FAT3: variants seen among roughly 807,000 people sequenced by gnomAD.
FAT3 encodes the protein protocadherin Fat 3.
FAT3 carries 95 observed loss-of-function variants against 310.2 expected under a neutral mutation model. The observed-to-expected ratio is 0.31, with a 90% CI of 0.26 to 0.36. The LOEUF is 0.36. FAT3 is among the 10% of genes least tolerant of loss of function. The pLI is 1.00. For missense variants in FAT3, 5,408 were observed against 5,715.6 expected (o/e 0.95, Z 1.74); for synonymous variants, 2,314 against 2,192.9 (o/e 1.06, Z -1.54).
chr11:92,565,306 C>T (rs1245607069), intron 3 of FAT3, among the ~76,000 whole-genome samples: 5 of 150,038 alleles, frequency 3.3e-5, no homozygotes, highest in African/African-American at 4.9e-5. Context: ...ATAAATTCCT[C>T]GACACATACA....
chr11:92,514,610 A>T (rs1246533165), intron 2 of FAT3, among the ~76,000 whole-genome samples: 1 of 152,040 alleles, frequency 6.6e-6, no homozygotes, highest in East Asian at 1.9e-4. Flanking sequence ...GTTCTTAATC[A>T]CTCATTTCTA....
At chr11:92,239,818 G>C (rs535726190) in intron 1 of FAT3, among the ~76,000 whole-genome samples, 8 of 152,058 alleles carry the variant, frequency 5.3e-5, no homozygotes, top group African/African-American at 1.7e-4. Context: ...TTGCATAAAA[G>C]AGTCTTTGAA....
intron 1 of FAT3, among the ~76,000 whole-genome samples, chr11:92,343,155 C>CT (rs1948311735): frequency 6.6e-6 from 1 of 152,154 alleles, no homozygotes. Context: ...TTGAATTACT[C>CT]TTGCTGCATG....
intron 2 of FAT3, among the ~76,000 whole-genome samples, chr11:92,440,513 T>C (rs1364932608): frequency 6.6e-6 from 1 of 152,190 alleles, no homozygotes; most frequent in Admixed American, 6.5e-5. Flanking sequence ...CTTCTGTGGC[T>C]AGAATTGCAA....
intron 2 of FAT3, chr11:92,366,556 A>G: frequency 2.0e-6 from 1 of 505,942 alleles, no homozygotes; most frequent in Non-Finnish European, 4.0e-6. Flanking sequence ...TCATCCCCCA[A>G]GAACTGCATG....
chr11:92,666,981 G>A (rs1942974994), intron 3 of FAT3, among the ~76,000 whole-genome samples: 1 of 152,106 alleles, frequency 6.6e-6, no homozygotes, highest in South Asian at 2.1e-4. Context: ...TAGTCGTGAG[G>A]AGATGGGAAG....
intron 2 of FAT3, among the ~76,000 whole-genome samples, chr11:92,436,715 G>A (rs1029796804): frequency 7.2e-5 from 11 of 152,128 alleles, no homozygotes; most frequent in African/African-American, 2.2e-4. Flanking sequence ...TCGATGCCCT[G>A]TGCCAGCTTT....
intron 1 of FAT3, among the ~76,000 whole-genome samples, chr11:92,339,900 C>T (rs1451858195): frequency 2.6e-5 from 4 of 152,092 alleles, no homozygotes; most frequent in Admixed American, 6.5e-5. Context: ...ATCACGAGGT[C>T]AGGAGATCGA....
intron 6 of FAT3, among the ~76,000 whole-genome samples, chr11:92,768,154 A>G (rs773946254): frequency 1.3e-4 from 20 of 152,208 alleles, no homozygotes; most frequent in Non-Finnish European, 2.9e-4. Context: ...TTTCCTAGAG[A>G]CTGCCTTCAG....
At chr11:92,230,380 G>A (rs1228980453) in intron 1 of FAT3, among the ~76,000 whole-genome samples, 1 of 151,990 alleles carries the variant, frequency 6.6e-6, no homozygotes, top group Non-Finnish European at 1.5e-5. Flanking sequence ...TGCAACCTCC[G>A]CCTCCTGGGT....
At chr11:92,409,982 G>T (rs888166928) in intron 2 of FAT3, among the ~76,000 whole-genome samples, 18 of 151,994 alleles carry the variant, frequency 1.2e-4, no homozygotes, top group Non-Finnish European at 1.2e-4. Context: ...GTAAGAAGAA[G>T]TAAATAAGAA....
At chr11:92,393,696 G>A (rs1244475195) in intron 2 of FAT3, among the ~76,000 whole-genome samples, 2 of 152,172 alleles carry the variant, frequency 1.3e-5, no homozygotes, top group African/African-American at 2.4e-5. Flanking sequence ...GTAATTAATG[G>A]ATTAATTAAT....
intron 3 of FAT3, among the ~76,000 whole-genome samples, chr11:92,690,509 G>T (rs184290213): frequency 6.6e-6 from 1 of 152,120 alleles, no homozygotes; most frequent in Non-Finnish European, 1.5e-5. Context: ...AGCATATCTC[G>T]TGGGGGTAGT....
In FAT3 at chr11:92,353,044, A is replaced by C; in HGVS notation, c.932A>C (p.Gln311Pro). 1 of 1,613,758 alleles carries C rather than the reference A, an allele frequency of 6.2e-7. No individual in the cohort carries two copies. Among genetic ancestry groups the C allele is most frequent in the Non-Finnish European group, 8.5e-7 (1 of 1,179,876 alleles). Reference protein sequence around the residue: ...VSIVAGDPLDQFFLAKEGKWL... With the variant: ...VSIVAGDPLDPFFLAKEGKWL... ...ATTGTGGCTGGGGATCCTTTAGATC[A>C]GTTCTTCCTGGCTAAGGAAGGAAAG... is the stretch of plus-strand genomic sequence containing the variant. The change falls in exon 2 of 28, where the codon CAG becomes CCG. Residue 311 changes from glutamine (Q) to proline (P), a missense_variant. Transcript: ENST00000525166.
At chr11:92,238,044 G>A (rs1590989789) in intron 1 of FAT3, among the ~76,000 whole-genome samples, 1 of 152,188 alleles carries the variant, frequency 6.6e-6, no homozygotes, top group East Asian at 1.9e-4. Flanking sequence ...AGGGTTAGGA[G>A]CAGAAACAAG....
chr11:92,845,672 C>T (rs1948667459), intron 19 of FAT3, among the ~76,000 whole-genome samples: 1 of 152,194 alleles, frequency 6.6e-6, no homozygotes, highest in African/African-American at 2.4e-5. Flanking sequence ...TCACTGCCCC[C>T]TTCTAAGAAA....
At chr11:92,638,979 A>T (rs1941864509) in intron 3 of FAT3, among the ~76,000 whole-genome samples, 1 of 152,222 alleles carries the variant, frequency 6.6e-6, no homozygotes, top group South Asian at 2.1e-4. Flanking sequence ...CATGCCTACA[A>T]GCATAATCAG....
intron 2 of FAT3, among the ~76,000 whole-genome samples, chr11:92,412,764 T>TACACAC (rs1252523446): frequency 7.8e-6 from 1 of 128,202 alleles, no homozygotes; most frequent in Non-Finnish European, 1.7e-5. Flanking sequence ...TACATATATA[T>TACACAC]ATATTTAATG....
chr11:92,829,486 C>T (rs1424314702), intron 13 of FAT3, among the ~76,000 whole-genome samples: 5 of 152,126 alleles, frequency 3.3e-5, no homozygotes, highest in East Asian at 1.9e-4. Flanking sequence ...AGGCAGCTTC[C>T]GGGGCACACA....
Sources: gnomAD v4.1 joint callset for allele counts (sites outside exome capture counted in the v4.1 genomes callset) on GRCh38, gnomAD v4.1.1 for gene constraint, MANE v1.5 for transcripts, NCBI Gene and HGNC (gene_info 2026-07-23, HGNC 2026-07-21) for gene names.